Variants in ZFYVE9 observed in about 807,000 individuals in gnomAD.
The protein encoded by ZFYVE9 is zinc finger FYVE-type containing 9.
A neutral mutation model predicts 126.7 loss-of-function variants in ZFYVE9; 43 were observed. The observed-to-expected ratio is 0.34, with a 90% CI of 0.27 to 0.44. The LOEUF (loss-of-function observed/expected upper bound fraction) is 0.44, where lower values mean the gene tolerates loss of function less well. Among genes scored for constraint, ZFYVE9 ranks in the 20% least tolerant of loss-of-function variants. The probability of loss-of-function intolerance (pLI) is 1.00; values close to 1 mark genes in which losing one functional copy is unlikely to be tolerated. For synonymous variants in ZFYVE9, 521 were observed against 597.4 expected (o/e 0.87, Z 1.87); for missense variants, 1,476 against 1,697.0 (o/e 0.87, Z 2.29).
chr1:52,244,916 G>A lies in ZFYVE9; in HGVS notation c.2178+5321G>A, dbSNP rs563526112. On this transcript the variant is annotated intron_variant, in intron 4 of 18. Coordinates refer to ENST00000287727, the MANE Select transcript of ZFYVE9 (RefSeq NM_004799.4). ...CTCATGCCTGTAATCTCAGCACTTT[G>A]GGAGGCTGAGGCAAGTGGATAGCTT... 5.9e-5 allele frequency among the ~76,000 whole-genome samples: 9 copies of A among 152,212 alleles called. No individual in the cohort carries two copies. In the East Asian group the frequency reaches 1.7e-3, roughly 29 times the overall value.
At chr1:52,264,248 C>A (rs1025664983) in intron 5 of ZFYVE9, among the ~76,000 whole-genome samples, 1 of 152,170 alleles carries the variant, frequency 6.6e-6, no homozygotes, top group African/African-American at 2.4e-5. Context: ...TAAGAGAAGC[C>A]ATCTCTTTCT....
intron 1 of ZFYVE9, among the ~76,000 whole-genome samples, chr1:52,176,398 C>G (rs1334158805): frequency 1.3e-5 from 2 of 152,206 alleles, no homozygotes; most frequent in African/African-American, 4.8e-5. Context: ...AGGTGTCAGT[C>G]TGCCCCTACT....
chr1:52,228,041 A>G (rs186199625), intron 2 of ZFYVE9, among the ~76,000 whole-genome samples: 12 of 151,986 alleles, frequency 7.9e-5, no homozygotes, highest in Admixed American at 3.3e-4. Context: ...TTTGAATTTG[A>G]CTGTTTAAAC....
chr1:52,180,631 C>T, intron 1 of ZFYVE9: 1 of 490,796 alleles, frequency 2.0e-6, no homozygotes, highest in Non-Finnish European at 3.7e-6. Flanking sequence ...ATGAATTCTT[C>T]TGGTTTTTAG....
rs772004330 is a variant in ZFYVE9, at chr1:52,336,359, G to GTT, written c.3671-1406_3671-1405dup. On this transcript the variant is annotated intron_variant, in intron 15 of 18. Coordinates refer to ENST00000287727, the MANE Select transcript of ZFYVE9 (RefSeq NM_004799.4). ...AACAAATTGTTATGAAATCTAAGAG[G>GTT]TTTTTTTTGTTTTTTTTTTTTTTTT... is the stretch of plus-strand genomic sequence containing the variant. 5.0e-3 allele frequency among the ~76,000 whole-genome samples: 477 copies of GTT among 94,954 alleles called. 64 individuals carry two copies. The highest frequency in any genetic ancestry group is 7.8e-3 in the Middle Eastern group (1 of 128). 62.3% of individuals were successfully genotyped at this position (94,954 alleles called of 152,430 possible).
intron 4 of ZFYVE9, among the ~76,000 whole-genome samples, chr1:52,260,953 C>G (rs1645574024): frequency 6.6e-6 from 1 of 152,156 alleles, no homozygotes; most frequent in Non-Finnish European, 1.5e-5. Flanking sequence ...GCCATATTAA[C>G]TTTTTTTAGT....
intron 2 of ZFYVE9, among the ~76,000 whole-genome samples, chr1:52,231,845 T>G (rs1014770078): frequency 3.3e-5 from 5 of 152,058 alleles, no homozygotes; most frequent in African/African-American, 1.2e-4. Flanking sequence ...CAGGCTGGTC[T>G]CAAACTCCTG....
At chr1:52,265,450 T>C (rs1645624765) in intron 5 of ZFYVE9, among the ~76,000 whole-genome samples, 1 of 152,190 alleles carries the variant, frequency 6.6e-6, no homozygotes, top group Admixed American at 6.5e-5. Context: ...GGCTTCTATT[T>C]CTGGGCATGT....
chr1:52,249,341 A>G (rs1195292888), intron 4 of ZFYVE9, among the ~76,000 whole-genome samples: 3 of 152,298 alleles, frequency 2.0e-5, no homozygotes, highest in East Asian at 3.9e-4. Context: ...CCATATTAAT[A>G]GGTGTGAAGT....
At chr1:52,162,370 T>C in intron 1 of ZFYVE9, 1 of 356,620 alleles carries the variant, frequency 2.8e-6, no homozygotes, top group Admixed American at 2.9e-5. Context: ...TGCCACCACC[T>C]CCGCCACCAC....
intron 17 of ZFYVE9, among the ~76,000 whole-genome samples, chr1:52,343,064 G>A (rs1344052773): frequency 2.0e-5 from 3 of 151,798 alleles, no homozygotes; most frequent in East Asian, 2.0e-4. Context: ...CTGCCACCAC[G>A]CCCGGCTAAT....
intron 12 of ZFYVE9, 150 bp from the exon 13 acceptor site, chr1:52,303,671 G>A (rs1646055915): frequency 6.8e-6 from 3 of 444,188 alleles, no homozygotes; most frequent in East Asian, 3.7e-5. Flanking sequence ...AATACATATA[G>A]TGGGGCTTTC....
chr1:52,323,539 C>A (rs1646261471), intron 13 of ZFYVE9, among the ~76,000 whole-genome samples: 1 of 152,164 alleles, frequency 6.6e-6, no homozygotes, highest in Admixed American at 6.6e-5. Flanking sequence ...TGCCCATTGG[C>A]TAAATGAATA....
chr1:52,274,707 C>G, intron 8 of ZFYVE9, 123 bp downstream of exon 8: 2 of 1,053,882 alleles, frequency 1.9e-6, no homozygotes, highest in Non-Finnish European at 1.3e-6. Context: ...ACAAACTCCC[C>G]CAAAACTATG....
chr1:52,279,127 A>G (rs756274858), intron 9 of ZFYVE9, among the ~76,000 whole-genome samples: 3 of 151,888 alleles, frequency 2.0e-5, no homozygotes, highest in Non-Finnish European at 4.4e-5. Context: ...ACTAACCGAA[A>G]CTCTCACATT....
At chr1:52,177,958 T>A (rs1012257635) in intron 1 of ZFYVE9, among the ~76,000 whole-genome samples, 6 of 151,542 alleles carry the variant, frequency 4.0e-5, no homozygotes, top group African/African-American at 1.2e-4. Flanking sequence ...TTTTTTTTTT[T>A]AGCAGGGCAT....
intron 1 of ZFYVE9, among the ~76,000 whole-genome samples, chr1:52,164,868 A>C (rs669404): frequency 6.6e-6 from 1 of 152,214 alleles, no homozygotes; most frequent in Middle Eastern, 3.2e-3. Flanking sequence ...TCTTAGCAGT[A>C]AAATAATATG....
intron 13 of ZFYVE9, among the ~76,000 whole-genome samples, chr1:52,319,205 A>C (rs1227182917): frequency 6.6e-6 from 1 of 152,228 alleles, no homozygotes; most frequent in African/African-American, 2.4e-5. Context: ...CGAGAATTTA[A>C]AGACCTAAGT....
chr1:52,149,165 T>A (rs1017255620), intron 1 of ZFYVE9, among the ~76,000 whole-genome samples: 1 of 151,666 alleles, frequency 6.6e-6, no homozygotes, highest in Non-Finnish European at 1.5e-5. Context: ...GGTTTTGCCG[T>A]GTTGACCAGG....
Sources: gnomAD v4.1 joint callset for allele counts (sites outside exome capture counted in the v4.1 genomes callset) on GRCh38, gnomAD v4.1.1 for gene constraint, MANE v1.5 for transcripts, NCBI Gene and HGNC (gene_info 2026-07-23, HGNC 2026-07-21) for gene names.